The following DNM1 variants were observed in gnomAD, a reference collection of about 807,000 sequenced individuals.
DNM1 encodes the protein dynamin 1, also known as dynamin-1.
In DNM1, 29 loss-of-function variants were observed where a neutral mutation model predicts 104.6. The ratio of observed to expected loss-of-function variants is 0.28; its 90% CI spans 0.21 to 0.38. DNM1 has a LOEUF of 0.38. Ranked by LOEUF, DNM1 falls within the 10% of genes least tolerant of loss-of-function variation. The pLI is 1.00. For synonymous variants in DNM1, 445 were observed against 475.8 expected (o/e 0.94, Z 0.84); for missense variants, 640 against 1,189.4 (o/e 0.54, Z 6.79).
rs1315817571 is a variant in DNM1, at chr9:128,250,270, C to T, written c.2232C>T (p.Asp744=). The part of the protein sequence containing the change: ...ALKEALSIIG[D]INTTTVSTPM... ...AGGAGGCGCTCAGCATCATCGGCGA[C>T]ATCAACACGACCACCGTCAGCACGC... The change falls in exon 20 of 22, where the codon GAC becomes GAT. Residue 744 remains aspartate (D), a synonymous_variant. Transcript: ENST00000372923. 6 of 1,613,500 alleles carry T rather than the reference C, an allele frequency of 3.7e-6. No homozygotes were observed. The highest frequency in any genetic ancestry group is 3.3e-5 in the South Asian group (3 of 91,014).
At position 128,222,666 on chromosome 9, in the gene DNM1, G is replaced by C. The variant is rs548165405; in HGVS notation, c.1128+70G>C. ...CACCCTCACTCAGGACTCTCTCTGC[G>C]TGTGTTTTTGCTGGCCCCCACCCCA... is the stretch of plus-strand genomic sequence containing the variant. On this transcript the variant is annotated intron_variant, in intron 8 of 21. Coordinates refer to ENST00000372923, the MANE Select transcript of DNM1 (RefSeq NM_004408.4). This position sits in a 1 kb window ranked among gnomAD's most constrained non-coding sequence, Gnocchi z 7.8. 1.9e-6 allele frequency: 3 copies of C among 1,605,748 alleles called. No homozygotes were observed. The highest frequency in any genetic ancestry group is 1.7e-5 in the Admixed American group (1 of 59,732).
Position 128,254,812 on chromosome 9 carries a change from C to G in DNM1, c.*98C>G, listed in dbSNP as rs1829755620. 1.0e-6 allele frequency: 1 copy of G among 962,702 alleles called. No individual in the cohort carries two copies. Among genetic ancestry groups the G allele is most frequent in the Non-Finnish European group, 1.6e-6 (1 of 616,962 alleles). 59.6% of individuals were successfully genotyped at this position (962,702 alleles called of 1,614,324 possible). A position where few individuals can be genotyped will look rare whatever the true frequency, so the allele number is the denominator to read the frequency against. On this transcript the variant is annotated 3_prime_UTR_variant, in exon 22 of 22. Coordinates refer to ENST00000372923, the MANE Select transcript of DNM1 (RefSeq NM_004408.4). The surrounding 1 kb of genome is among the most constrained non-coding windows in gnomAD (Gnocchi z 6.1). Reference sequence around the variant, plus strand: ...GCTCCCCCAGCCCCAAAGCCAGCCCCCTTCATCTGTGACTTAATCTGTTGT... The same window carrying G: ...GCTCCCCCAGCCCCAAAGCCAGCCCGCTTCATCTGTGACTTAATCTGTTGT...
chr9:128,228,208 A>T (rs1001634267), intron 10 of DNM1, among the ~76,000 whole-genome samples: 2 of 151,172 alleles, frequency 1.3e-5, no homozygotes, highest in African/African-American at 4.9e-5. Context: ...CACCCAGCTA[A>T]TTTTTCTTAT....
intron 10 of DNM1, chr9:128,226,209 G>A (rs373881372): frequency 1.0e-4 from 163 of 1,609,334 alleles, no homozygotes; most frequent in Middle Eastern, 1.7e-4. Flanking sequence ...GGGCCTGGCC[G>A]TCCATTCCTT....
rs895460766 is a variant in DNM1 at position 128,215,257 on chromosome 9, G to C, written c.162-2974G>C. Among the ~76,000 whole-genome samples, 3 of 152,232 alleles carry C rather than the reference G, an allele frequency of 2.0e-5. No homozygotes were observed. The East Asian group carries it at 5.8e-4, about 29-fold the overall frequency. On this transcript the variant is annotated intron_variant, in intron 1 of 21. Coordinates refer to ENST00000372923, the MANE Select transcript of DNM1 (RefSeq NM_004408.4). ...AGCCTGGCACTGGCTCCTCAGCATG[G>C]GGCAGATGGTCCTTAAACTTAACAC...
Position 128,247,824 on chromosome 9 carries a change from C to A in DNM1, c.1894-100C>A. 2 of 1,498,458 alleles carry A rather than the reference C, an allele frequency of 1.3e-6. No individual in the cohort carries two copies. Among genetic ancestry groups the A allele is most frequent in the Non-Finnish European group, 1.8e-6 (2 of 1,096,076 alleles). 92.8% of individuals were successfully genotyped at this position (1,498,458 alleles called of 1,614,324 possible). A position where few individuals can be genotyped will look rare whatever the true frequency, so the allele number is the denominator to read the frequency against. Reference sequence around the variant, plus strand: ...AGCCTGAGAGTTGGGGTGCAGTATCCCAGGTTCACTCAATCTCTCCCCTTT... The same window carrying A: ...AGCCTGAGAGTTGGGGTGCAGTATCACAGGTTCACTCAATCTCTCCCCTTT... On this transcript the variant is annotated intron_variant, in intron 17 of 21. Coordinates refer to ENST00000372923, the MANE Select transcript of DNM1 (RefSeq NM_004408.4). The surrounding 1 kb of genome is among the most constrained non-coding windows in gnomAD (Gnocchi z 5.1).
At chr9:128,229,279 T>C (rs1251013817) in intron 10 of DNM1, among the ~76,000 whole-genome samples, 1 of 151,038 alleles carries the variant, frequency 6.6e-6, no homozygotes, top group Non-Finnish European at 1.5e-5. Context: ...CCTGCAGTCC[T>C]TGCTACTTGG....
intron 1 of DNM1, among the ~76,000 whole-genome samples, chr9:128,216,702 G>A (rs1834627176): frequency 6.6e-6 from 1 of 152,224 alleles, no homozygotes; most frequent in South Asian, 2.1e-4. Flanking sequence ...GGAGCTCTGG[G>A]TCTAGTCTGT....
At chr9:128,229,546 C>T (rs1835542933) in intron 10 of DNM1, among the ~76,000 whole-genome samples, 1 of 131,520 alleles carries the variant, frequency 7.6e-6, no homozygotes, top group Non-Finnish European at 1.5e-5. Context: ...GCAGTGAGCT[C>T]TGATTGTGAT....
At chr9:128,233,404 C>T (rs902388263) in intron 10 of DNM1, among the ~76,000 whole-genome samples, 4 of 152,152 alleles carry the variant, frequency 2.6e-5, no homozygotes, top group Admixed American at 1.3e-4. Context: ...CCCCAGCCCT[C>T]GCATGCTTTT....
intron 1 of DNM1, among the ~76,000 whole-genome samples, chr9:128,210,188 G>T (rs545481822): frequency 6.6e-6 from 1 of 151,910 alleles, no homozygotes; most frequent in East Asian, 1.9e-4. Context: ...AAGCTGGGAT[G>T]ACAGGCATGT....
chr9:128,203,657 C>T lies in DNM1; in HGVS notation c.161+26C>T. 4 of 1,488,726 alleles carry T rather than the reference C, an allele frequency of 2.7e-6. No homozygotes were observed. The highest frequency in any genetic ancestry group is 1.2e-5 in the South Asian group (1 of 80,004). 92.2% of individuals were successfully genotyped at this position (1,488,726 alleles called of 1,614,324 possible). ...GTAGGCGCGGCGCGCCCCCAGGCGC[C>T]GACCCCCGACCCCCGGGATCCCTGG... On this transcript the variant is annotated intron_variant, in intron 1 of 21. Coordinates refer to ENST00000372923, the MANE Select transcript of DNM1 (RefSeq NM_004408.4). The surrounding 1 kb of genome is among the most constrained non-coding windows in gnomAD (Gnocchi z 5.3).
chr9:128,219,620 A>G (rs1484253612), intron 4 of DNM1, among the ~76,000 whole-genome samples: 6 of 151,304 alleles, frequency 4.0e-5, no homozygotes, highest in Non-Finnish European at 8.8e-5. Flanking sequence ...AGTGAGCCCT[A>G]CTCGCACCAC....
chr9:128,210,191 AG>A (rs1056435681), intron 1 of DNM1, among the ~76,000 whole-genome samples: 1 of 151,880 alleles, frequency 6.6e-6, no homozygotes, highest in Non-Finnish European at 1.5e-5. Flanking sequence ...CTGGGATGAC[AG>A]GCATGTGTCA....
At position 128,252,902 on chromosome 9, in the gene DNM1, T is replaced by A. The variant is rs759062186; in HGVS notation, c.2535-1752T>A. 3 of 690,400 alleles carry A rather than the reference T, an allele frequency of 4.3e-6. No individual in the cohort carries two copies. In the Admixed American group the frequency reaches 6.1e-5, roughly 14 times the overall value. 42.8% of individuals were successfully genotyped at this position (690,400 alleles called of 1,614,324 possible). ...TGCACGCGCCGCCGGCCAGTGAGGG[T>A]GCTGGGCACTGGGAGGTGGCGGGGA... On this transcript the variant is annotated intron_variant, in intron 21 of 21. Coordinates refer to ENST00000372923, the MANE Select transcript of DNM1 (RefSeq NM_004408.4).
At chr9:128,244,525 T>C (rs1836628618) in intron 15 of DNM1, among the ~76,000 whole-genome samples, 1 of 151,564 alleles carries the variant, frequency 6.6e-6, no homozygotes, top group African/African-American at 2.4e-5. Context: ...CCAGTCCCCA[T>C]TGACCCCCCC....
chr9:128,219,312 A>G (rs1233723314), intron 4 of DNM1, 60 bp downstream of exon 4: 24 of 1,444,202 alleles, frequency 1.7e-5, no homozygotes, highest in African/African-American at 2.8e-5. Flanking sequence ...GTCTATTCTT[A>G]GTGTAAAGGG....
chr9:128,234,635 A>G (rs1393781436), intron 11 of DNM1, among the ~76,000 whole-genome samples: 2 of 152,124 alleles, frequency 1.3e-5, no homozygotes, highest in Admixed American at 6.5e-5. Context: ...CAGCCTCCCA[A>G]AGTGCTGGGA....
At position 128,247,578 on chromosome 9, in the gene DNM1, G is replaced by T. The variant is rs1286721733; in HGVS notation, c.1893+92G>T. 1 of 1,093,374 alleles carries T rather than the reference G, an allele frequency of 9.1e-7. No individual in the cohort carries two copies. The highest frequency in any genetic ancestry group is 1.4e-6 in the Non-Finnish European group (1 of 738,096). The allele number at this position is 1,093,374 out of a possible 1,614,324, so 67.7% of individuals were successfully genotyped here. On this transcript the variant is annotated intron_variant, in intron 17 of 21. Transcript: ENST00000372923. The surrounding 1 kb of genome is among the most constrained non-coding windows in gnomAD (Gnocchi z 5.1). ...TGATGCCAAGTCATGCCATGTTTCC[G>T]AGCCCTTATTTGGCTCAGAAATAAT...
Sources: allele counts gnomAD v4.1 joint callset (sites outside exome capture counted in the v4.1 genomes callset), GRCh38; gene constraint gnomAD v4.1.1; non-coding constraint Gnocchi (gnomAD v3.1); transcripts MANE v1.5; gene names NCBI Gene and HGNC (gene_info 2026-07-23, HGNC 2026-07-21).